Variants in MMP16 observed in about 807,000 individuals in gnomAD.
MMP16 encodes the protein matrix metallopeptidase 16, also known as matrix metalloproteinase-16.
Under a neutral mutation model 67.8 loss-of-function variants are expected in MMP16, and 12 were observed. The ratio of observed to expected loss-of-function variants is 0.18; its 90% CI spans 0.11 to 0.29. MMP16 has a LOEUF of 0.29. MMP16 is among the 10% of genes least tolerant of loss of function. The pLI is 1.00. For synonymous variants in MMP16, 249 were observed against 255.9 expected (o/e 0.97, Z 0.26); for missense variants, 475 against 765.7 (o/e 0.62, Z 4.48).
intron 8 of MMP16, among the ~76,000 whole-genome samples, chr8:88,047,886 A>C (rs1294320820): frequency 6.6e-6 from 1 of 152,216 alleles, no homozygotes; most frequent in African/African-American, 2.4e-5. Flanking sequence ...TCGGGATGTC[A>C]CTGCAATAAT....
intron 4 of MMP16, among the ~76,000 whole-genome samples, chr8:88,149,717 C>T (rs1361824319): frequency 1.3e-5 from 2 of 151,864 alleles, no homozygotes; most frequent in Non-Finnish European, 2.9e-5. Flanking sequence ...CTGTACATCA[C>T]CATCATCAAA....
rs1296682025 is a variant in MMP16 at position 88,116,496 on chromosome 8, C to T, written c.1083+11G>A. On this transcript the variant is annotated intron_variant, in intron 6 of 9. Transcript: ENST00000286614. ...TCTACTGTTAAAAAAAAAAAAATCA[C>T]AGTCTCCTACCTTGAAAACAAACAT... is the stretch of plus-strand genomic sequence containing the variant. 5 of 1,600,102 alleles carry T rather than the reference C, an allele frequency of 3.1e-6. No homozygotes were observed. In the South Asian group the frequency reaches 3.4e-5, roughly 11 times the overall value.
intron 4 of MMP16, among the ~76,000 whole-genome samples, chr8:88,129,693 T>TC (rs1405779397): frequency 6.6e-6 from 1 of 151,610 alleles, no homozygotes; most frequent in Non-Finnish European, 1.5e-5. Flanking sequence ...ATGTATTTTT[T>TC]CATAAAGATA....
chr8:88,288,666 G>A (rs1330649426), intron 1 of MMP16, among the ~76,000 whole-genome samples: 1 of 152,210 alleles, frequency 6.6e-6, no homozygotes, highest in Non-Finnish European at 1.5e-5. Context: ...TGGTGAGAAT[G>A]CAGTAGGAGA....
chr8:88,252,106 A>G (rs1810234655), intron 1 of MMP16, among the ~76,000 whole-genome samples: 1 of 137,334 alleles, frequency 7.3e-6, no homozygotes, highest in Admixed American at 7.6e-5. Flanking sequence ...GGGATCTAGA[A>G]CTAGAAATAC....
intron 6 of MMP16, among the ~76,000 whole-genome samples, chr8:88,088,742 C>G (rs985796706): frequency 1.3e-5 from 2 of 152,036 alleles, no homozygotes; most frequent in African/African-American, 4.8e-5. Context: ...TCTTTACACT[C>G]AAGGTAAGTC....
chr8:88,303,453 C>A (rs1811163145), intron 1 of MMP16, among the ~76,000 whole-genome samples: 1 of 152,226 alleles, frequency 6.6e-6, no homozygotes, highest in African/African-American at 2.4e-5. Flanking sequence ...AGCTGTGCCA[C>A]CAAAGCAGCC....
At position 88,327,161 on chromosome 8, in the gene MMP16, G is replaced by A; in HGVS notation, c.46C>T (p.His16Tyr). 1 of 1,614,082 alleles carries A rather than the reference G, an allele frequency of 6.2e-7. No individual in the cohort carries two copies. The highest frequency in any genetic ancestry group is 2.2e-5 in the East Asian group (1 of 44,876). ...TGCAAGAAAAACACCCCCGAATGATGCACGAAATCCAACCGTCTTCCAGTG... is the reference window on the plus strand; with the variant it reads ...TGCAAGAAAAACACCCCCGAATGATACACGAAATCCAACCGTCTTCCAGTG... ...FSTGRRLDFV[H>Y]HSGVFFLQTL... Residue 16 changes from histidine to tyrosine, a missense_variant, in exon 1 of 10, where the codon CAT (histidine) becomes TAT (tyrosine). Physicochemically the swap from His to Tyr is moderately conservative, Grantham distance 83. Transcript: ENST00000286614.
At chr8:88,078,353 TCA>T (rs1280547252) in intron 6 of MMP16, among the ~76,000 whole-genome samples, 1 of 152,174 alleles carries the variant, frequency 6.6e-6, no homozygotes, top group Admixed American at 6.5e-5. Flanking sequence ...ATCATTTAGT[TCA>T]CAGAGATAAA....
At chr8:88,272,382 CAT>C (rs1393338282) in intron 1 of MMP16, among the ~76,000 whole-genome samples, 1 of 152,154 alleles carries the variant, frequency 6.6e-6, no homozygotes, top group Non-Finnish European at 1.5e-5. Flanking sequence ...AGTGCTTGAA[CAT>C]ATGTGCTATA....
intron 1 of MMP16, among the ~76,000 whole-genome samples, chr8:88,262,535 T>A (rs1035354277): frequency 5.3e-5 from 8 of 152,232 alleles, no homozygotes; most frequent in Non-Finnish European, 1.0e-4. Flanking sequence ...TGCTTACTAC[T>A]GAGAATCTGC....
At chr8:88,047,245 G>T (rs889574794) in intron 8 of MMP16, among the ~76,000 whole-genome samples, 3 of 151,964 alleles carry the variant, frequency 2.0e-5, no homozygotes, top group African/African-American at 7.3e-5. Context: ...TATTCATTCG[G>T]TACATATTTA....
chr8:88,055,510 A>G (rs1475193034), intron 8 of MMP16, among the ~76,000 whole-genome samples: 1 of 152,188 alleles, frequency 6.6e-6, no homozygotes, highest in East Asian at 1.9e-4. Context: ...GCCCAGCCTT[A>G]CTGTAAGTTT....
intron 7 of MMP16, among the ~76,000 whole-genome samples, chr8:88,056,725 T>G (rs1189026791): frequency 6.6e-6 from 1 of 152,116 alleles, no homozygotes; most frequent in Admixed American, 6.6e-5. Flanking sequence ...AAACACCTCC[T>G]CTGGGCTGGT....
intron 1 of MMP16, among the ~76,000 whole-genome samples, chr8:88,272,153 T>C (rs1413074583): frequency 6.6e-6 from 1 of 152,188 alleles, no homozygotes; most frequent in African/African-American, 2.4e-5. Context: ...TGCAGTGGTG[T>C]TGATGTTGTA....
intron 1 of MMP16, among the ~76,000 whole-genome samples, chr8:88,249,970 T>G (rs903841330): frequency 6.6e-6 from 1 of 152,140 alleles, no homozygotes; most frequent in Non-Finnish European, 1.5e-5. Context: ...TTACTTGTTT[T>G]ATTTTAGCAC....
intron 1 of MMP16, among the ~76,000 whole-genome samples, chr8:88,212,674 G>C (rs2129822089): frequency 6.6e-6 from 1 of 152,054 alleles, no homozygotes; most frequent in African/African-American, 2.4e-5. Flanking sequence ...TTTAGGAAAA[G>C]GTCCTTTGAA....
rs551729519 is a variant in MMP16 at position 88,125,222 on chromosome 8, A to C, written c.710-6361T>G. On this transcript the variant is annotated intron_variant, in intron 4 of 9. Coordinates refer to ENST00000286614, the MANE Select transcript of MMP16 (RefSeq NM_005941.5). Reference sequence around the variant, plus strand: ...TTTTTTTACAAAATTAGAAAAAAAAACAGTATTGCTACAATTAGAAGAAAT... The same window carrying C: ...TTTTTTTACAAAATTAGAAAAAAAACCAGTATTGCTACAATTAGAAGAAAT... 3.6e-3 allele frequency among the ~76,000 whole-genome samples: 547 copies of C among 151,734 alleles called. 4 individuals carry two copies. Among genetic ancestry groups the C allele is most frequent in the African/African-American group, 0.012 (517 of 41,466 alleles).
chr8:88,309,971 A>C (rs1052608710), intron 1 of MMP16, among the ~76,000 whole-genome samples: 60 of 152,096 alleles, frequency 3.9e-4, no homozygotes, highest in Non-Finnish European at 1.5e-5. Flanking sequence ...CAGTGTATGC[A>C]CCTTTTTCCT....
Sources: gnomAD v4.1 joint callset for allele counts (sites outside exome capture counted in the v4.1 genomes callset) on GRCh38, gnomAD v4.1.1 for gene constraint, MANE v1.5 for transcripts, NCBI Gene and HGNC (gene_info 2026-07-23, HGNC 2026-07-21) for gene names.